Variants in PALLD observed in about 807,000 individuals in gnomAD.
PALLD encodes palladin, cytoskeletal associated protein, also known as palladin.
In PALLD, 61 loss-of-function variants were observed where a neutral mutation model predicts 123.5. That is an observed-to-expected ratio of 0.49 (90% CI 0.40 to 0.61). The LOEUF (loss-of-function observed/expected upper bound fraction) is 0.61. Among genes scored for constraint, PALLD ranks in the 20% least tolerant of loss-of-function variants. The pLI, the probability that PALLD is intolerant of heterozygous loss-of-function variation, is 0.00. For synonymous variants in PALLD, 465 were observed against 496.4 expected (o/e 0.94, Z 0.84); for missense variants, 1,273 against 1,377.0 (o/e 0.92, Z 1.20).
intron 2 of PALLD, among the ~76,000 whole-genome samples, chr4:168,655,342 G>A (rs565069423): frequency 1.3e-5 from 2 of 152,316 alleles, no homozygotes; most frequent in African/African-American, 2.4e-5. Context: ...ATTGACTGAC[G>A]GGGCAGTTTA....
At chr4:168,851,129 T>C (rs1291522300) in intron 10 of PALLD, among the ~76,000 whole-genome samples, 1 of 152,080 alleles carries the variant, frequency 6.6e-6, no homozygotes, top group Non-Finnish European at 1.5e-5. Context: ...CTCCCATGTG[T>C]CTCTAACCTG....
At chr4:168,583,805 A>T (rs947627891) in intron 2 of PALLD, among the ~76,000 whole-genome samples, 3 of 152,080 alleles carry the variant, frequency 2.0e-5, no homozygotes, top group Non-Finnish European at 2.9e-5. Context: ...GGCCAATGGG[A>T]CCTTGTCTGT....
intron 10 of PALLD, among the ~76,000 whole-genome samples, chr4:168,833,282 G>T (rs1409096103): frequency 2.0e-5 from 3 of 150,782 alleles, no homozygotes; most frequent in Admixed American, 1.3e-4. Flanking sequence ...CCCTGGGCTC[G>T]GGCATCTTCC....
chr4:168,783,363 G>C (rs140212967), intron 10 of PALLD, among the ~76,000 whole-genome samples: 1 of 152,054 alleles, frequency 6.6e-6, no homozygotes, highest in Non-Finnish European at 1.5e-5. Context: ...ATAATACAGA[G>C]AGACCCATGT....
At chr4:168,737,909 A>G (rs770335690) in intron 10 of PALLD, among the ~76,000 whole-genome samples, 6 of 152,228 alleles carry the variant, frequency 3.9e-5, no homozygotes, top group Non-Finnish European at 7.3e-5. Context: ...CAAAACACGC[A>G]TAGCATGCTG....
chr4:168,719,884 T>C (rs2150254140), intron 10 of PALLD, among the ~76,000 whole-genome samples: 1 of 152,342 alleles, frequency 6.6e-6, no homozygotes, highest in Middle Eastern at 3.4e-3. Context: ...TCCAACTTTG[T>C]CCATGTTGCT....
intron 10 of PALLD, among the ~76,000 whole-genome samples, chr4:168,758,343 T>C (rs1732183487): frequency 6.6e-6 from 1 of 152,182 alleles, no homozygotes; most frequent in African/African-American, 2.4e-5. Flanking sequence ...GCTTTTCCCA[T>C]ACAGATCCAA....
intron 2 of PALLD, among the ~76,000 whole-genome samples, chr4:168,570,510 C>T (rs952959168): frequency 1.3e-5 from 2 of 152,208 alleles, no homozygotes; most frequent in East Asian, 1.9e-4. Flanking sequence ...AAAACAAAAA[C>T]CAAAATGCTC....
At chr4:168,610,636 T>A (rs1445475660) in intron 2 of PALLD, among the ~76,000 whole-genome samples, 1 of 152,122 alleles carries the variant, frequency 6.6e-6, no homozygotes, top group African/African-American at 2.4e-5. Flanking sequence ...AAACTCGTGC[T>A]CCCAACCCAG....
chr4:168,604,042 CT>C (rs1772929670), intron 2 of PALLD, among the ~76,000 whole-genome samples: 1 of 152,182 alleles, frequency 6.6e-6, no homozygotes, highest in East Asian at 1.9e-4. Context: ...CATTATTAGG[CT>C]TCTTCTCGTG....
intron 10 of PALLD, among the ~76,000 whole-genome samples, chr4:168,827,568 A>G (rs1743586096): frequency 6.6e-6 from 1 of 152,270 alleles, no homozygotes; most frequent in Non-Finnish European, 1.5e-5. Flanking sequence ...ACATAACATT[A>G]CTATGAAGCA....
rs142099454 is a variant in PALLD at position 168,688,087 on chromosome 4, G to A, written c.1336-2516G>A. 2.2e-4 allele frequency among the ~76,000 whole-genome samples: 33 copies of A among 152,288 alleles called. 1 individual carries two copies. The highest frequency in any genetic ancestry group is 3.5e-4 in the Non-Finnish European group (24 of 68,024). On this transcript the variant is annotated intron_variant, in intron 6 of 21. Coordinates refer to ENST00000505667, the MANE Select transcript of PALLD (RefSeq NM_001166108.2). ...CTCACTTTAGGCAGCTTCTGTCTCT[G>A]ATTTGCAGGGTCCTTCTTAGGCCTG...
chr4:168,710,657 C>T (rs776116918), intron 9 of PALLD, among the ~76,000 whole-genome samples: 19 of 152,140 alleles, frequency 1.2e-4, no homozygotes, highest in Non-Finnish European at 2.6e-4. Flanking sequence ...TGAATGACTA[C>T]TGTAAGTGCT....
intron 10 of PALLD, among the ~76,000 whole-genome samples, chr4:168,839,581 T>C (rs1434958355): frequency 8.2e-5 from 1 of 12,256 alleles, no homozygotes; most frequent in Non-Finnish European, 1.6e-4. Flanking sequence ...ATGGGAGGGG[T>C]GAGGGAGGGG....
At chr4:168,879,452 T>C (rs1302733548) in intron 10 of PALLD, among the ~76,000 whole-genome samples, 1 of 152,192 alleles carries the variant, frequency 6.6e-6, no homozygotes, top group Non-Finnish European at 1.5e-5. Flanking sequence ...ACTTCAGAGT[T>C]TGCCAGAAGC....
intron 1 of PALLD, among the ~76,000 whole-genome samples, chr4:168,505,305 C>A (rs1761897850): frequency 6.6e-6 from 1 of 152,202 alleles, no homozygotes; most frequent in African/African-American, 2.4e-5. Context: ...CAGATGGCGC[C>A]TCTTTAAAAC....
intron 2 of PALLD, among the ~76,000 whole-genome samples, chr4:168,524,125 C>G (rs905572074): frequency 8.5e-5 from 13 of 152,196 alleles, no homozygotes; most frequent in Non-Finnish European, 1.5e-4. Context: ...AATCAGAACT[C>G]TTTACAGAAA....
At chr4:168,849,085 C>T (rs1201811497) in intron 10 of PALLD, among the ~76,000 whole-genome samples, 2 of 152,204 alleles carry the variant, frequency 1.3e-5, no homozygotes, top group African/African-American at 4.8e-5. Flanking sequence ...CCACTCCCAT[C>T]GGAACATAAA....
intron 2 of PALLD, among the ~76,000 whole-genome samples, chr4:168,573,075 G>A (rs1200402979): frequency 1.3e-5 from 2 of 150,984 alleles, no homozygotes; most frequent in African/African-American, 2.4e-5. Context: ...CCCAACTCAC[G>A]CCTACAGCTG....
Sources: allele counts gnomAD v4.1 joint callset (sites outside exome capture counted in the v4.1 genomes callset), GRCh38; gene constraint gnomAD v4.1.1; transcripts MANE v1.5; gene names NCBI Gene and HGNC (gene_info 2026-07-23, HGNC 2026-07-21).